The following TMEM62 variants were observed in gnomAD, a reference collection of about 807,000 sequenced individuals.
TMEM62 encodes the protein transmembrane protein 62.
A neutral mutation model predicts 70.4 loss-of-function variants in TMEM62; 41 were observed. The observed-to-expected ratio is 0.58, with a 90% CI of 0.45 to 0.76. The LOEUF (loss-of-function observed/expected upper bound fraction) is 0.76, where lower values mean the gene tolerates loss of function less well. Ranked by LOEUF, TMEM62 falls within the 30% of genes least tolerant of loss-of-function variation. TMEM62 has a pLI of 0.00. For synonymous variants in TMEM62, 268 were observed against 291.0 expected (o/e 0.92, Z 0.80); for missense variants, 688 against 788.5 (o/e 0.87, Z 1.53).
Position 43,133,789 on chromosome 15 carries a change from G to C in TMEM62, c.-14G>C. The C allele has an allele frequency of 7.4e-7, 1 of 1,356,014 alleles. No individual in the cohort carries two copies. Among genetic ancestry groups the C allele is most frequent in the Non-Finnish European group, 9.4e-7 (1 of 1,063,372 alleles). 84.0% of individuals were successfully genotyped at this position (1,356,014 alleles called of 1,614,324 possible). On this transcript the variant is annotated 5_prime_UTR_variant, in exon 1 of 14. Transcript: ENST00000260403. ...GCGGGATCAGCGAGGGCCGCGCCCC[G>C]GCGGGCGGGCGGCATGGCTGCAGTG... is the stretch of plus-strand genomic sequence containing the variant.
intron 4 of TMEM62, among the ~76,000 whole-genome samples, chr15:43,140,930 G>C (rs549351487): frequency 2.5e-4 from 38 of 152,212 alleles, no homozygotes; most frequent in Non-Finnish European, 5.3e-4. Context: ...CAGGAAGAAA[G>C]CTTGCAGCAG....
intron 7 of TMEM62, among the ~76,000 whole-genome samples, chr15:43,150,952 A>C (rs1169526765): frequency 2.6e-5 from 4 of 152,272 alleles, no homozygotes; most frequent in African/African-American, 9.6e-5. Flanking sequence ...TAAAAGTTAG[A>C]AAATATAAAA....
At chr15:43,169,469 A>C (rs2039957967) in intron 10 of TMEM62, 124 bp from the exon 11 acceptor site, 1 of 778,534 alleles carries the variant, frequency 1.3e-6, no homozygotes, top group Non-Finnish European at 2.1e-6. Flanking sequence ...AGACCAAAAT[A>C]TGTATTTCTT....
In TMEM62 at chr15:43,184,541, G is replaced by C. The variant is rs1050046954; in HGVS notation, c.1887G>C (p.Lys629Asn). The change falls in exon 14 of 14, where the codon AAG becomes AAC. Residue 629 changes from lysine to asparagine, a missense_variant. Physicochemically the swap from Lys to Asn is moderately conservative, Grantham distance 94 (BLOSUM62 0). Coordinates refer to ENST00000260403, the MANE Select transcript of TMEM62 (RefSeq NM_024956.4). ...IRYVWTLNST[K>N]FGIFMVQLKS... The stretch of plus-strand genomic sequence containing the variant: ...ATGTGTGGACACTGAACTCCACCAA[G>C]TTTGGAATCTTCATGGTGCAGTTAA... The C allele has an allele frequency of 6.8e-6, 11 of 1,612,642 alleles. No homozygotes were observed. Among genetic ancestry groups the C allele is most frequent in the East Asian group, 2.2e-5 (1 of 44,880 alleles).
chr15:43,159,808 G>A lies in TMEM62; in HGVS notation c.1183-873G>A, dbSNP rs558786733. ...TAGTGAGAAATACTATTTTGAGACCGCAACCTGGGCACCAGCCTAGGTAGC... is the reference window on the plus strand; with the variant it reads ...TAGTGAGAAATACTATTTTGAGACCACAACCTGGGCACCAGCCTAGGTAGC... On this transcript the variant is annotated intron_variant, in intron 9 of 13. Coordinates refer to ENST00000260403, the MANE Select transcript of TMEM62 (RefSeq NM_024956.4). Among the ~76,000 whole-genome samples, 562 of 152,216 alleles carry A rather than the reference G, an allele frequency of 3.7e-3. 1 individual carries two copies. Among genetic ancestry groups the A allele is most frequent in the Non-Finnish European group, 4.3e-3 (290 of 68,008 alleles).
chr15:43,139,595 T>C (rs1247841570), intron 4 of TMEM62, among the ~76,000 whole-genome samples: 1 of 152,192 alleles, frequency 6.6e-6, no homozygotes, highest in African/African-American at 2.4e-5. Context: ...GCTCCTCCAG[T>C]GAACAGATGA....
intron 10 of TMEM62, among the ~76,000 whole-genome samples, chr15:43,167,300 G>C (rs1165751600): frequency 6.6e-6 from 1 of 151,290 alleles, no homozygotes; most frequent in Non-Finnish European, 1.5e-5. Flanking sequence ...GGTGGCTGCC[G>C]GGCGGAGACG....
intron 8 of TMEM62, 40 bp downstream of exon 8, chr15:43,151,985 A>T (rs1393135993): frequency 1.6e-5 from 24 of 1,518,240 alleles, no homozygotes; most frequent in Non-Finnish European, 2.2e-5. Flanking sequence ...CAGTTTGATA[A>T]TGAAGGAGAA....
chr15:43,151,460 T>C (rs2037380723), intron 7 of TMEM62, among the ~76,000 whole-genome samples: 1 of 152,160 alleles, frequency 6.6e-6, no homozygotes, highest in South Asian at 2.1e-4. Flanking sequence ...TAATAAATAT[T>C]TTAGGTTCAA....
rs1421275887 is a variant in TMEM62, at chr15:43,184,328, C to G, written c.1674C>G (p.His558Gln). 2 of 1,614,072 alleles carry G rather than the reference C, an allele frequency of 1.2e-6. No individual in the cohort carries two copies. The highest frequency in any genetic ancestry group is 1.3e-5 in the African/African-American group (1 of 74,926). Residue 558 changes from histidine to glutamine, a missense_variant, in exon 14 of 14, where the codon CAC becomes CAG. By Grantham distance (24) the His-to-Gln change is conservative. Coordinates refer to ENST00000260403, the MANE Select transcript of TMEM62 (RefSeq NM_024956.4). ...CWSLLQRCFG[H>Q]NFRSHLHQRK... ...GCTTGCTGCAGCGGTGCTTTGGTCA[C>G]AACTTCAGGTCTCATCTCCATCAAA... is the stretch of plus-strand genomic sequence containing the variant.
chr15:43,141,573 A>C (rs888673978), intron 4 of TMEM62, among the ~76,000 whole-genome samples: 1 of 152,252 alleles, frequency 6.6e-6, no homozygotes, highest in Non-Finnish European at 1.5e-5. Flanking sequence ...CTGCTAGCGC[A>C]GTATTCATTC....
chr15:43,134,454 C>A, intron 2 of TMEM62, 86 bp downstream of exon 2: 1 of 1,084,244 alleles, frequency 9.2e-7, no homozygotes, highest in South Asian at 1.3e-5. Context: ...ATTTTGGGGA[C>A]GTTGGGAGCA....
intron 11 of TMEM62, among the ~76,000 whole-genome samples, chr15:43,171,518 AT>A (rs1295587698): frequency 6.6e-6 from 1 of 151,796 alleles, no homozygotes; most frequent in African/African-American, 2.4e-5. Context: ...TTATTTTACC[AT>A]AAGACAAAAA....
chr15:43,150,356 C>G (rs1454393192), intron 7 of TMEM62, among the ~76,000 whole-genome samples: 1 of 152,156 alleles, frequency 6.6e-6, no homozygotes, highest in Non-Finnish European at 1.5e-5. Flanking sequence ...TTTATTTCTT[C>G]TAAGTGCTCT....
intron 7 of TMEM62, among the ~76,000 whole-genome samples, chr15:43,150,661 T>C (rs2037252406): frequency 6.6e-6 from 1 of 152,238 alleles, no homozygotes; most frequent in Admixed American, 6.5e-5. Context: ...ACAACTCTTA[T>C]CCATGGGATG....
intron 13 of TMEM62, among the ~76,000 whole-genome samples, chr15:43,182,279 G>A (rs1052440750): frequency 3.3e-5 from 5 of 152,154 alleles, no homozygotes; most frequent in Non-Finnish European, 7.4e-5. Flanking sequence ...TTCAAAATAA[G>A]TTCATGGCCT....
At chr15:43,179,168 C>T (rs954587204) in intron 12 of TMEM62, among the ~76,000 whole-genome samples, 14 of 151,972 alleles carry the variant, frequency 9.2e-5, no homozygotes, top group African/African-American at 3.1e-4. Flanking sequence ...GGGGCTGAGG[C>T]GAGAGTACTG....
At chr15:43,158,318 C>T (rs1349711906) in intron 9 of TMEM62, among the ~76,000 whole-genome samples, 2 of 152,178 alleles carry the variant, frequency 1.3e-5, no homozygotes, top group Non-Finnish European at 2.9e-5. Flanking sequence ...CACTGATGTG[C>T]TGGTAAATAT....
Position 43,135,505 on chromosome 15 carries a change from C to T in TMEM62, c.293-7C>T. On this transcript the variant is annotated splice_polypyrimidine_tract_variant and splice_region_variant and intron_variant, in intron 2 of 13. Coordinates refer to ENST00000260403, the MANE Select transcript of TMEM62 (RefSeq NM_024956.4). ...CATTGTGATTCAATTCTTGTGTAAA[C>T]CTACAGGAGACCTGACAGATGCCAA... The T allele has an allele frequency of 6.3e-7, 1 of 1,583,844 alleles. No individual in the cohort carries two copies. The highest frequency in any genetic ancestry group is 8.5e-7 in the Non-Finnish European group (1 of 1,172,290).
Sources: allele counts gnomAD v4.1 joint callset (sites outside exome capture counted in the v4.1 genomes callset), GRCh38; gene constraint gnomAD v4.1.1; transcripts MANE v1.5; gene names NCBI Gene and HGNC (gene_info 2026-07-23, HGNC 2026-07-21).